KCNQ1: variants seen among roughly 807,000 people sequenced by gnomAD.
KCNQ1 encodes the protein potassium voltage-gated channel subfamily Q member 1.
Under a neutral mutation model 72.4 loss-of-function variants are expected in KCNQ1, and 49 were observed. The observed-to-expected ratio is 0.68, with a 90% CI of 0.54 to 0.86. The LOEUF is 0.86. Ranked by LOEUF, KCNQ1 falls within the 40% of genes least tolerant of loss-of-function variation. The pLI is 0.00. For synonymous variants in KCNQ1, 450 were observed against 412.6 expected, an observed-to-expected ratio of 1.09 and a Z score of -1.10; for missense variants, 790 against 945.1, an observed-to-expected ratio of 0.84 and a Z score of 2.15.
Position 2,832,455 on chromosome 11 carries a change from C to T in KCNQ1, c.1795-15312C>T, listed in dbSNP as rs932017887. ...TGGGGAGCAAGAGGAACCAGGATAC[C>T]CACAAGCTGCTCGCTCAGACGGGCT... is the stretch of plus-strand genomic sequence containing the variant. On this transcript the variant is annotated intron_variant, in intron 15 of 15. Coordinates refer to ENST00000155840, the MANE Select transcript of KCNQ1 (RefSeq NM_000218.3). Among the ~76,000 whole-genome samples, 6 of 152,316 alleles carry T rather than the reference C, an allele frequency of 3.9e-5. 1 individual carries two copies. In the South Asian group the frequency reaches 1.2e-3, roughly 32 times the overall value.
rs1851020515 is a variant in KCNQ1, at chr11:2,712,378, G to C, written c.1514+50297G>C. The stretch of plus-strand genomic sequence containing the variant: ...CTCGCTGGGGCTGGGGTGCAAATGG[G>C]GCAGGAACAGGAGTCCGGCCTGGGG... On this transcript the variant is annotated intron_variant, in intron 11 of 15. Transcript: ENST00000155840. This position sits in a 1 kb window ranked among gnomAD's most constrained non-coding sequence, Gnocchi z 6.4. Among the ~76,000 whole-genome samples, 1 of 152,100 alleles carries C rather than the reference G, an allele frequency of 6.6e-6. No individual in the cohort carries two copies. Among genetic ancestry groups the C allele is most frequent in the Admixed American group, 6.5e-5 (1 of 15,272 alleles).
At chr11:2,744,563 G>A (rs1846107520) in intron 11 of KCNQ1, among the ~76,000 whole-genome samples, 1 of 152,152 alleles carries the variant, frequency 6.6e-6, no homozygotes, top group African/African-American at 2.4e-5. Flanking sequence ...AGTGTTTCCT[G>A]GGCCCCATGC....
At position 2,664,723 on chromosome 11, in the gene KCNQ1, G is replaced by C; in HGVS notation, c.1514+2642G>C. The C allele has an allele frequency of 2.5e-6, 1 of 398,738 alleles. No individual in the cohort carries two copies. Among genetic ancestry groups the C allele is most frequent in the East Asian group, 3.6e-5 (1 of 28,086 alleles). 24.7% of individuals were successfully genotyped at this position (398,738 alleles called of 1,614,324 possible). A position where few individuals can be genotyped will look rare whatever the true frequency, so the allele number is the denominator to read the frequency against. On this transcript the variant is annotated intron_variant, in intron 11 of 15. Transcript: ENST00000155840. This position sits in a 1 kb window ranked among gnomAD's most constrained non-coding sequence, Gnocchi z 5.1. ...AACTGGGAAGAGAGGCACACGCCCT[G>C]GTGTGTGTGAGGGACAGGGATGTGT...
rs951822104 is a variant in KCNQ1 at position 2,598,427 on chromosome 11, G to T, written c.1393+9573G>T. 2.6e-5 allele frequency among the ~76,000 whole-genome samples: 4 copies of T among 151,950 alleles called. No individual in the cohort carries two copies. The highest frequency in any genetic ancestry group is 7.3e-5 in the African/African-American group (3 of 41,356). On this transcript the variant is annotated intron_variant, in intron 10 of 15. Coordinates refer to ENST00000155840, the MANE Select transcript of KCNQ1 (RefSeq NM_000218.3). The surrounding 1 kb of genome is among the most constrained non-coding windows in gnomAD (Gnocchi z 6.2). Reference sequence around the variant, plus strand: ...TTTTTTTAAAATGAAGATTTTCTTTGTCTCCAAGTATGAAAATAACATCAT... The same window carrying T: ...TTTTTTTAAAATGAAGATTTTCTTTTTCTCCAAGTATGAAAATAACATCAT...
chr11:2,705,858 T>G (rs1034466624), intron 11 of KCNQ1, among the ~76,000 whole-genome samples: 3 of 152,222 alleles, frequency 2.0e-5, no homozygotes, highest in Non-Finnish European at 2.9e-5. Flanking sequence ...AACAGATATT[T>G]GCAGAGAGCC....
chr11:2,465,472 G>A (rs1424099981), intron 1 of KCNQ1, among the ~76,000 whole-genome samples: 1 of 152,252 alleles, frequency 6.6e-6, no homozygotes, highest in East Asian at 1.9e-4. Flanking sequence ...CCAGGGCTGA[G>A]ACTCCTCTGA....
intron 10 of KCNQ1, chr11:2,619,219 A>T: frequency 2.5e-6 from 1 of 398,502 alleles, no homozygotes; most frequent in East Asian, 3.6e-5. Context: ...TATGTTGAGT[A>T]GTAGTAGCTA....
chr11:2,502,823 C>T (rs1847039229), intron 1 of KCNQ1, among the ~76,000 whole-genome samples: 1 of 152,142 alleles, frequency 6.6e-6, no homozygotes, highest in Non-Finnish European at 1.5e-5. Flanking sequence ...TATGTACTGA[C>T]ATAAAAACAG....
rs1849647455 is a variant in KCNQ1, at chr11:2,645,158, A to C, written c.1394-16803A>C. 1 of 398,538 alleles carries C rather than the reference A, an allele frequency of 2.5e-6. No homozygotes were observed. The highest frequency in any genetic ancestry group is 4.4e-6 in the Non-Finnish European group (1 of 226,100). The allele number at this position is 398,538 out of a possible 1,614,324, so 24.7% of individuals were successfully genotyped here. On this transcript the variant is annotated intron_variant, in intron 10 of 15. Transcript: ENST00000155840. The surrounding 1 kb of genome is among the most constrained non-coding windows in gnomAD (Gnocchi z 5.8). ...GTGGCAGAACAATCTTCTGCCTCCCAAGGTGTCCATGCTGGTATTGGGATG... is the reference window on the plus strand; with the variant it reads ...GTGGCAGAACAATCTTCTGCCTCCCCAGGTGTCCATGCTGGTATTGGGATG...
At chr11:2,754,197 C>A (rs527863772) in intron 11 of KCNQ1, among the ~76,000 whole-genome samples, 2 of 152,154 alleles carry the variant, frequency 1.3e-5, no homozygotes, top group Non-Finnish European at 2.9e-5. Context: ...ACTGCCAGAG[C>A]GAGGCTAGCC....
chr11:2,840,521 G>GTAT (rs1848186247), intron 15 of KCNQ1: 1 of 137,814 alleles, frequency 7.3e-6, no homozygotes, highest in Non-Finnish European at 1.6e-5. Context: ...AATCAAAAAA[G>GTAT]TATTAGGAAA....
At chr11:2,448,666 C>T (rs755828583) in intron 1 of KCNQ1, among the ~76,000 whole-genome samples, 2 of 152,226 alleles carry the variant, frequency 1.3e-5, no homozygotes, top group Non-Finnish European at 2.9e-5. Context: ...GTCTCTTTCT[C>T]TCCATCTTCT....
rs555381513 is a variant in KCNQ1, at chr11:2,602,284, A to G, written c.1393+13430A>G. Among the ~76,000 whole-genome samples, 1 of 152,310 alleles carries G rather than the reference A, an allele frequency of 6.6e-6. No homozygotes were observed. The highest frequency in any genetic ancestry group is 1.9e-4 in the East Asian group (1 of 5,186). ...CTGGCCTCTAGAACTGTGAGAAAAA[A>G]AAAAAAAGCGTGTCTTGTTTTAAGC... On this transcript the variant is annotated intron_variant, in intron 10 of 15. Transcript: ENST00000155840. This position sits in a 1 kb window ranked among gnomAD's most constrained non-coding sequence, Gnocchi z 4.8.
rs1849123762 is a variant in KCNQ1 at position 2,619,277 on chromosome 11, T to G, written c.1393+30423T>G. 3 of 398,406 alleles carry G rather than the reference T, an allele frequency of 7.5e-6. No individual in the cohort carries two copies. The South Asian group carries it at 3.8e-4, about 51-fold the overall frequency. The allele number at this position is 398,406 out of a possible 1,614,324, so 24.7% of individuals were successfully genotyped here. A position where few individuals can be genotyped will look rare whatever the true frequency, so the allele number is the denominator to read the frequency against. ...CTGGTTCATAGTAGAAGGGCTTCTG[T>G]TTTCCCTCATTGATTATAACGTTAG... On this transcript the variant is annotated intron_variant, in intron 10 of 15. Coordinates refer to ENST00000155840, the MANE Select transcript of KCNQ1 (RefSeq NM_000218.3).
At chr11:2,662,475 C>G in intron 11 of KCNQ1, 1 of 468,240 alleles carries the variant, frequency 2.1e-6, no homozygotes, top group Admixed American at 3.7e-5. Context: ...CGGGTGCAGT[C>G]TGCCAGTTGC....
chr11:2,721,818 G>A (rs1200779107), intron 11 of KCNQ1, among the ~76,000 whole-genome samples: 1 of 152,238 alleles, frequency 6.6e-6, no homozygotes. Flanking sequence ...GGTTCACCTG[G>A]AGCTGTCTGT....
intron 10 of KCNQ1, chr11:2,630,330 T>G (rs1849332537): frequency 2.5e-6 from 1 of 398,296 alleles, no homozygotes; most frequent in Non-Finnish European, 4.4e-6. Context: ...TGTTGAAAAT[T>G]TTTAAATGTA....
chr11:2,561,619 T>C (rs1848168540), intron 2 of KCNQ1, among the ~76,000 whole-genome samples: 1 of 152,228 alleles, frequency 6.6e-6, no homozygotes, highest in African/African-American at 2.4e-5. Flanking sequence ...CCGCCTGGGA[T>C]GCCACCAGTG....
At chr11:2,519,049 G>A (rs1163784147) in intron 1 of KCNQ1, among the ~76,000 whole-genome samples, 1 of 152,210 alleles carries the variant, frequency 6.6e-6, no homozygotes, top group Admixed American at 6.5e-5. Context: ...CAACCAGCTG[G>A]GCAGTGTGGA....
Sources: allele counts gnomAD v4.1 joint callset (sites outside exome capture counted in the v4.1 genomes callset), GRCh38; gene constraint gnomAD v4.1.1; non-coding constraint Gnocchi (gnomAD v3.1); transcripts MANE v1.5; gene names NCBI Gene and HGNC (gene_info 2026-07-23, HGNC 2026-07-21).